Variants in KIF5A observed in about 807,000 individuals in gnomAD.
KIF5A encodes the protein kinesin family member 5A, also known as kinesin heavy chain isoform 5A.
KIF5A carries 35 observed loss-of-function variants against 141.3 expected under a neutral mutation model. The observed-to-expected ratio is 0.25, with a 90% CI of 0.19 to 0.33. KIF5A has a LOEUF of 0.33. Ranked by LOEUF, KIF5A falls within the 10% of genes least tolerant of loss-of-function variation. The pLI is 1.00. For missense variants in KIF5A, 861 were observed against 1,314.3 expected, an observed-to-expected ratio of 0.66 and a Z score of 5.33; for synonymous variants, 448 against 500.2, an observed-to-expected ratio of 0.90 and a Z score of 1.39.
intron 15 of KIF5A, among the ~76,000 whole-genome samples, chr12:57,574,006 C>T (rs1170905607): frequency 1.3e-5 from 2 of 149,688 alleles, no homozygotes; most frequent in East Asian, 4.1e-4. Context: ...TGGCGTGAAC[C>T]TGGGAGGCGG....
chr12:57,579,384 T>C (rs1033019511), intron 23 of KIF5A, among the ~76,000 whole-genome samples: 7 of 152,220 alleles, frequency 4.6e-5, no homozygotes, highest in African/African-American at 1.7e-4. Context: ...CTATACTTCA[T>C]TCCTTTCCTT....
chr12:57,581,061 G>A lies in KIF5A; in HGVS notation c.2644G>A (p.Ala882Thr). 1.2e-6 allele frequency: 2 copies of A among 1,614,122 alleles called. No homozygotes were observed. The highest frequency in any genetic ancestry group is 1.7e-6 in the Non-Finnish European group (2 of 1,180,022). The stretch of plus-strand genomic sequence containing the variant: ...GGCCCTGGAGGGTGCACTGAAGGAG[G>A]CCAAGGAGGGCGCCATGAAGGACAA... The part of the protein sequence containing the change: ...VKALEGALKE[A>T]KEGAMKDKRR... Residue 882 changes from alanine to threonine, a missense_variant, in exon 24 of 29, where the codon GCC (alanine) becomes ACC (threonine). Physicochemically the swap from Ala to Thr is moderately conservative, Grantham distance 58 (BLOSUM62 0). Around this residue, in one of 5 missense-constraint regions of KIF5A, gnomAD observed 482 missense variants for 661.3 expected, o/e 0.73. Coordinates refer to ENST00000455537, the MANE Select transcript of KIF5A (RefSeq NM_004984.4).
chr12:57,566,352 C>T (rs1264711673), intron 6 of KIF5A, among the ~76,000 whole-genome samples: 1 of 151,904 alleles, frequency 6.6e-6, no homozygotes, highest in Non-Finnish European at 1.5e-5. Context: ...GATCCGCCCA[C>T]CTCAGCCTCC....
At chr12:57,559,047 G>T (rs1437616675) in intron 1 of KIF5A, among the ~76,000 whole-genome samples, 2 of 152,202 alleles carry the variant, frequency 1.3e-5, no homozygotes, top group African/African-American at 4.8e-5. Flanking sequence ...AAAGGGCTCG[G>T]ATTACACGGT....
At chr12:57,578,958 G>C (rs888606167) in intron 23 of KIF5A, among the ~76,000 whole-genome samples, 1 of 152,128 alleles carries the variant, frequency 6.6e-6, no homozygotes, top group African/African-American at 2.4e-5. Context: ...CAGCTACTTG[G>C]GAGGCTGAGG....
chr12:57,569,900 T>C, intron 11 of KIF5A, 87 bp from the exon 12 acceptor site: 3 of 1,495,662 alleles, frequency 2.0e-6, no homozygotes, highest in Non-Finnish European at 1.8e-6. Context: ...GGCAAGAGAG[T>C]TCAAGGGGCA....
chr12:57,583,192 A>G lies in KIF5A; in HGVS notation c.*13A>G. ...AGCAGCCAGCTAATCTCCCACACCC[A>G]CGGCTGCATACCTGCACTTTCAGGT... On this transcript the variant is annotated 3_prime_UTR_variant, in exon 28 of 29. Transcript: ENST00000455537. 3 of 1,610,902 alleles carry G rather than the reference A, an allele frequency of 1.9e-6. No homozygotes were observed. The highest frequency in any genetic ancestry group is 2.5e-6 in the Non-Finnish European group (3 of 1,177,930).
At chr12:57,580,873 C>T (rs112626342) in intron 23 of KIF5A, 83 bp from the exon 24 acceptor site, 5 of 1,258,982 alleles carry the variant, frequency 4.0e-6, no homozygotes, top group Non-Finnish European at 5.7e-6. Context: ...TCTCTCCTCA[C>T]CCCTGTCCCC....
chr12:57,570,902 C>G (rs933507015), intron 12 of KIF5A, among the ~76,000 whole-genome samples: 31 of 152,068 alleles, frequency 2.0e-4, no homozygotes, highest in African/African-American at 7.2e-4. Flanking sequence ...GGGATCCCCC[C>G]CAACCTCAGC....
At position 57,581,010 on chromosome 12, in the gene KIF5A, C is replaced by G; in HGVS notation, c.2593C>G (p.Leu865Val). Reference sequence around the variant, plus strand: ...TGAGCTTCCTAAATTGGAAAAACGACTTAGGGCTACGGCTGAGAGAGTTAA... The same window carrying G: ...TGAGCTTCCTAAATTGGAAAAACGAGTTAGGGCTACGGCTGAGAGAGTTAA... ...RCELPKLEKR[L>V]RATAERVKAL... The change falls in exon 24 of 29, where the codon CTT becomes GTT. Residue 865 changes from leucine (L) to valine (V), a missense_variant. By Grantham distance (32) the Leu-to-Val change is conservative (BLOSUM62 1). Coordinates refer to ENST00000455537, the MANE Select transcript of KIF5A (RefSeq NM_004984.4). 1.2e-6 allele frequency: 2 copies of G among 1,614,128 alleles called. No homozygotes were observed. The highest frequency in any genetic ancestry group is 1.7e-6 in the Non-Finnish European group (2 of 1,180,032).
chr12:57,579,830 A>G (rs1191645966), intron 23 of KIF5A, among the ~76,000 whole-genome samples: 6 of 152,158 alleles, frequency 3.9e-5, no homozygotes, highest in African/African-American at 1.4e-4. Context: ...AAAAATTTCC[A>G]TGAAAAAACA....
chr12:57,564,300 AC>A (rs1881998093), intron 4 of KIF5A, 88 bp downstream of exon 4: 1 of 1,131,498 alleles, frequency 8.8e-7, no homozygotes, highest in Admixed American at 1.7e-5. Context: ...GGGCTCCCCA[AC>A]TTGACTCCCT....
Position 57,550,541 on chromosome 12 carries a change from T to A in KIF5A, c.129+141T>A. On this transcript the variant is annotated intron_variant, in intron 1 of 28. Transcript: ENST00000455537. The surrounding 1 kb of genome is among the most constrained non-coding windows in gnomAD (Gnocchi z 4.6). ...TCATCCTCTTCCCCGCAGCCCCTCC[T>A]CTCCCCTGCATCAGGATGGCTGGGT... is the stretch of plus-strand genomic sequence containing the variant. 2 of 862,570 alleles carry A rather than the reference T, an allele frequency of 2.3e-6. No individual in the cohort carries two copies. The highest frequency in any genetic ancestry group is 3.6e-6 in the Non-Finnish European group (2 of 560,536). 53.4% of individuals were successfully genotyped at this position (862,570 alleles called of 1,614,324 possible).
chr12:57,578,359 G>A lies in KIF5A; in HGVS notation c.2538+17G>A. The A allele has an allele frequency of 1.3e-6, 2 of 1,577,304 alleles. No homozygotes were observed. Among genetic ancestry groups the A allele is most frequent in the Non-Finnish European group, 1.7e-6 (2 of 1,146,526 alleles). On this transcript the variant is annotated intron_variant, in intron 23 of 28. Coordinates refer to ENST00000455537, the MANE Select transcript of KIF5A (RefSeq NM_004984.4). Reference sequence around the variant, plus strand: ...CACAAACAGGTAAGAGTCTGCTGAAGGAGTGAAGAGAATTTTTGAGGCCGG... The same window carrying A: ...CACAAACAGGTAAGAGTCTGCTGAAAGAGTGAAGAGAATTTTTGAGGCCGG...
intron 21 of KIF5A, 58 bp downstream of exon 21, chr12:57,577,831 T>C (rs1248797550): frequency 4.8e-6 from 7 of 1,443,450 alleles, no homozygotes; most frequent in Non-Finnish European, 6.8e-6. Context: ...AGGCTTCATT[T>C]CTTCCTAACC....
At chr12:57,561,305 G>T (rs1881903443) in intron 1 of KIF5A, among the ~76,000 whole-genome samples, 1 of 152,150 alleles carries the variant, frequency 6.6e-6, no homozygotes, top group South Asian at 2.1e-4. Flanking sequence ...CTCCCAAAGT[G>T]CTGGGATTAC....
In KIF5A at chr12:57,563,704, T is replaced by C; in HGVS notation, c.291+11T>C. 2 of 1,611,866 alleles carry C rather than the reference T, an allele frequency of 1.2e-6. No individual in the cohort carries two copies. The highest frequency in any genetic ancestry group is 1.7e-6 in the Non-Finnish European group (2 of 1,177,950). On this transcript the variant is annotated intron_variant, in intron 3 of 28. Transcript: ENST00000455537. ...ACACATACCATGGAGGTGAGGGTTCTGGCTTTGGTGGTTGAGGGGCTAGGA... is the reference window on the plus strand; with the variant it reads ...ACACATACCATGGAGGTGAGGGTTCCGGCTTTGGTGGTTGAGGGGCTAGGA...
intron 1 of KIF5A, among the ~76,000 whole-genome samples, chr12:57,551,248 C>T (rs1565691013): frequency 1.3e-5 from 2 of 152,188 alleles, no homozygotes; most frequent in Admixed American, 1.3e-4. Flanking sequence ...GGGCCTGTTA[C>T]TCTACGTATA....
Position 57,572,559 on chromosome 12 carries a change from G to T in KIF5A, c.1570-21G>T. The stretch of plus-strand genomic sequence containing the variant: ...GGAGCAGGAGGATGGCAACAGGAAT[G>T]ACCTGAGGGGCTGTCCCCAGGCCAC... On this transcript the variant is annotated intron_variant, in intron 14 of 28. Coordinates refer to ENST00000455537, the MANE Select transcript of KIF5A (RefSeq NM_004984.4). This position sits in a 1 kb window ranked among gnomAD's most constrained non-coding sequence, Gnocchi z 4.2. 1.9e-6 allele frequency: 3 copies of T among 1,614,088 alleles called. No homozygotes were observed. The highest frequency in any genetic ancestry group is 2.5e-6 in the Non-Finnish European group (3 of 1,180,038).
Sources: gnomAD v4.1 joint callset for allele counts (sites outside exome capture counted in the v4.1 genomes callset) on GRCh38, gnomAD v4.1.1 for gene constraint, gnomAD v4.1.1 regional missense constraint, Gnocchi (gnomAD v3.1) non-coding constraint, MANE v1.5 for transcripts, NCBI Gene and HGNC (gene_info 2026-07-23, HGNC 2026-07-21) for gene names.